WDR3: variants seen among roughly 807,000 people sequenced by gnomAD.
The protein encoded by WDR3 is WD repeat-containing protein 3.
WDR3 carries 81 observed loss-of-function variants against 123.7 expected under a neutral mutation model. That is an observed-to-expected ratio of 0.65 (90% CI 0.55 to 0.79). The LOEUF is 0.79. WDR3 is among the 30% of genes least tolerant of loss of function. WDR3 has a pLI of 0.00. For synonymous variants in WDR3, 390 were observed against 388.8 expected (o/e 1.00, Z -0.04); for missense variants, 1,027 against 1,123.2 (o/e 0.91, Z 1.22).
chr1:117,960,238 A>G lies in WDR3; in HGVS notation c.*791A>G, dbSNP rs1271846740. 6.6e-6 allele frequency: 1 copy of G among 152,024 alleles called. No homozygotes were observed. Among genetic ancestry groups the G allele is most frequent in the Non-Finnish European group, 1.5e-5 (1 of 68,028 alleles). 9.4% of individuals were successfully genotyped at this position (152,024 alleles called of 1,614,324 possible). On this transcript the variant is annotated 3_prime_UTR_variant, in exon 27 of 27. Transcript: ENST00000349139. ...ACTGACCCACCCCTACGCCCCGCAC[A>G]GTCAAAAATCTGCATATAACTTTTG...
At chr1:117,942,898 T>G (rs996644503) in intron 10 of WDR3, among the ~76,000 whole-genome samples, 3 of 146,484 alleles carry the variant, frequency 2.0e-5, no homozygotes, top group Non-Finnish European at 4.4e-5. Context: ...AGTTTTTTTT[T>G]TTTTTTTTTT....
chr1:117,953,942 A>G (rs1163126638), intron 21 of WDR3, 65 bp from the exon 22 acceptor site: 3 of 1,377,774 alleles, frequency 2.2e-6, no homozygotes, highest in East Asian at 4.7e-5. Flanking sequence ...CAGTTCTTCC[A>G]GTTTCAGTGT....
In WDR3 at chr1:117,963,154, T is replaced by C. The variant is rs1471064357; in HGVS notation, c.*3707T>C. ...ACAGTCACTGAGCCCAACTCTTACA[T>C]AGGGCCTGGCAGTGTTGCCCTTGTG... is the stretch of plus-strand genomic sequence containing the variant. On this transcript the variant is annotated 3_prime_UTR_variant, in exon 27 of 27. Transcript: ENST00000349139. The C allele has an allele frequency of 1.3e-5, 2 of 152,158 alleles. No individual in the cohort carries two copies. The highest frequency in any genetic ancestry group is 2.9e-5 in the Non-Finnish European group (2 of 68,040). 9.4% of individuals were successfully genotyped at this position (152,158 alleles called of 1,614,324 possible). A position where few individuals can be genotyped will look rare whatever the true frequency, so the allele number is the denominator to read the frequency against.
In WDR3 at chr1:117,933,400, C is replaced by A; in HGVS notation, c.81C>A (p.Val27=). The A allele has an allele frequency of 6.2e-7, 1 of 1,614,112 alleles. No individual in the cohort carries two copies. Among genetic ancestry groups the A allele is most frequent in the Non-Finnish European group, 8.5e-7 (1 of 1,180,018 alleles). The change falls in exon 2 of 27, where the codon GTC becomes GTA. Residue 27 remains valine (V), a synonymous_variant. Coordinates refer to ENST00000349139, the MANE Select transcript of WDR3 (RefSeq NM_006784.3). ...GVIGSQKGNI[V]FVTLRGEKGR... ...TCGGCAGCCAAAAAGGTAATATTGT[C>A]TTTGTGACACTTCGTGGTGAGAAAG...
rs762325249 is a variant in WDR3, at chr1:117,934,655, A to G, written c.354A>G (p.Leu118=). Residue 118 remains leucine, a synonymous_variant, in exon 3 of 27, where the codon CTA becomes CTG. Transcript: ENST00000349139. ...TCACTACCTTGAAGTATGATCAGCTAGGAGGCAGACTGGCATCTGGGTCCA... is the reference window on the plus strand; with the variant it reads ...TCACTACCTTGAAGTATGATCAGCTGGGAGGCAGACTGGCATCTGGGTCCA... ...AAITTLKYDQ[L]GGRLASGSKD... is the part of the protein sequence containing the mutation. The G allele has an allele frequency of 1.2e-6, 2 of 1,613,610 alleles. No individual in the cohort carries two copies. Among genetic ancestry groups the G allele is most frequent in the African/African-American group, 1.3e-5 (1 of 74,926 alleles).
At position 117,936,902 on chromosome 1, in the gene WDR3, G is replaced by T. The variant is rs771370180; in HGVS notation, c.500+15G>T. 3.8e-6 allele frequency: 6 copies of T among 1,594,536 alleles called. No individual in the cohort carries two copies. In the East Asian group the frequency reaches 1.1e-4, roughly 30 times the overall value. On this transcript the variant is annotated intron_variant, in intron 4 of 26. Coordinates refer to ENST00000349139, the MANE Select transcript of WDR3 (RefSeq NM_006784.3). ...CTAGTTACTAGGTAAAGAAATAATG[G>T]TTTAATTTCCAGTTATTTTCTAGGA... is the stretch of plus-strand genomic sequence containing the variant.
Position 117,959,525 on chromosome 1 carries a change from T to G in WDR3, c.*78T>G. 1 of 1,398,752 alleles carries G rather than the reference T, an allele frequency of 7.1e-7. No homozygotes were observed. 86.6% of individuals were successfully genotyped at this position (1,398,752 alleles called of 1,614,324 possible). On this transcript the variant is annotated 3_prime_UTR_variant, in exon 27 of 27. Transcript: ENST00000349139. The stretch of plus-strand genomic sequence containing the variant: ...TAAACTAAGCACAGAAGAGTTGGCG[T>G]CATCTTAAAAATACCAAATAACAGA...
Position 117,942,423 on chromosome 1 carries a change from C to A in WDR3, c.990-14C>A. ...AAAAATAAGAGCATGATATACTTTT[C>A]TTCTTCCCTCTAGATTACATTCTAG... On this transcript the variant is annotated splice_polypyrimidine_tract_variant and intron_variant, in intron 9 of 26. Coordinates refer to ENST00000349139, the MANE Select transcript of WDR3 (RefSeq NM_006784.3). 2 of 1,608,186 alleles carry A rather than the reference C, an allele frequency of 1.2e-6. No individual in the cohort carries two copies. Among genetic ancestry groups the A allele is most frequent in the South Asian group, 1.1e-5 (1 of 90,646 alleles).
At chr1:117,941,713 C>T in intron 8 of WDR3, 37 bp from the exon 9 acceptor site, 1 of 1,585,698 alleles carries the variant, frequency 6.3e-7, no homozygotes, top group Non-Finnish European at 8.5e-7. Flanking sequence ...TTACAAATTA[C>T]CTCTCCTTGA....
In WDR3 at chr1:117,966,156, A is replaced by T. The variant is rs1653815154; in HGVS notation, c.*6709A>T. 1 of 152,512 alleles carries T rather than the reference A, an allele frequency of 6.6e-6. No homozygotes were observed. Among genetic ancestry groups the T allele is most frequent in the South Asian group, 2.1e-4 (1 of 4,840 alleles). The allele number at this position is 152,512 out of a possible 1,614,324, so 9.4% of individuals were successfully genotyped here. A position where few individuals can be genotyped will look rare whatever the true frequency, so the allele number is the denominator to read the frequency against. On this transcript the variant is annotated 3_prime_UTR_variant, in exon 27 of 27. Coordinates refer to ENST00000349139, the MANE Select transcript of WDR3 (RefSeq NM_006784.3). ...AATTATCCATTTTTATATATGATAAACTATTTTATACAGTACCTTGGAGGT... is the reference window on the plus strand; with the variant it reads ...AATTATCCATTTTTATATATGATAATCTATTTTATACAGTACCTTGGAGGT...
chr1:117,955,354 T>C lies in WDR3; in HGVS notation c.2449T>C (p.Ser817Pro). 6.2e-7 allele frequency: 1 copy of C among 1,612,372 alleles called. No individual in the cohort carries two copies. The highest frequency in any genetic ancestry group is 8.5e-7 in the Non-Finnish European group (1 of 1,178,930). The change falls in exon 24 of 27, where the codon TCG (serine) becomes CCG (proline). Residue 817 changes from serine (S) to proline (P), a missense_variant. Transcript: ENST00000349139. ...ATTAGAGATTTTTAAAGGGATCAAG[T>C]CGAGGTGAGTGAGTCCTTGCGCACA... ...YVLEIFKGIKSSELEESLLVL... is the reference protein window; with the variant it reads ...YVLEIFKGIKPSELEESLLVL...
intron 5 of WDR3, 141 bp downstream of exon 5, chr1:117,938,699 G>A: frequency 1.5e-6 from 1 of 656,798 alleles, no homozygotes; most frequent in Non-Finnish European, 2.4e-6. Flanking sequence ...CAGTGAGGCT[G>A]GTATGATGGA....
intron 10 of WDR3, 100 bp downstream of exon 10, chr1:117,942,644 T>C (rs1651212654): frequency 1.9e-6 from 2 of 1,060,104 alleles, no homozygotes; most frequent in African/African-American, 3.2e-5. Context: ...GAATTATATA[T>C]GTGGAGACGG....
intron 10 of WDR3, 65 bp downstream of exon 10, chr1:117,942,609 C>T (rs1651210875): frequency 7.0e-7 from 1 of 1,430,810 alleles, no homozygotes; most frequent in East Asian, 2.3e-5. Context: ...TTGGCTTTTT[C>T]ATGCTATTTG....
intron 13 of WDR3, among the ~76,000 whole-genome samples, chr1:117,949,497 T>G (rs1651522199): frequency 6.6e-6 from 1 of 152,230 alleles, no homozygotes; most frequent in Non-Finnish European, 1.5e-5. Flanking sequence ...TTCTTGATGC[T>G]AGATAATAGT....
At chr1:117,939,415 CA>C (rs1237762504) in intron 5 of WDR3, 61 bp from the exon 6 acceptor site, 8 of 1,500,990 alleles carry the variant, frequency 5.3e-6, no homozygotes, top group Non-Finnish European at 7.3e-6. Flanking sequence ...TTTGGAATGT[CA>C]TATTATGCTA....
chr1:117,958,825 A>C (rs1652606221), intron 25 of WDR3, 85 bp from the exon 26 acceptor site: 1 of 660,906 alleles, frequency 1.5e-6, no homozygotes, highest in South Asian at 2.9e-5. Flanking sequence ...TGTTGCTTTG[A>C]TATTGTGTCT....
In WDR3 at chr1:117,959,336, G is replaced by A. The variant is rs1571050356; in HGVS notation, c.2721G>A (p.Arg907=). The A allele has an allele frequency of 1.9e-6, 3 of 1,613,942 alleles. No individual in the cohort carries two copies. The highest frequency in any genetic ancestry group is 2.7e-5 in the African/African-American group (2 of 75,036). Reference sequence around the variant, plus strand: ...TGGCTGGTCTTGATTATCTCAAGAGGGAATGCGAGGCAAAAAGTGAAGTTA... The same window carrying A: ...TGGCTGGTCTTGATTATCTCAAGAGAGAATGCGAGGCAAAAAGTGAAGTTA... ...FNMAGLDYLK[R]ECEAKSEVMF... is the part of the protein sequence containing the mutation. Residue 907 remains arginine (R), a synonymous_variant, in exon 27 of 27, where the codon AGG becomes AGA. Transcript: ENST00000349139.
At chr1:117,940,996 T>A in intron 7 of WDR3, 56 bp downstream of exon 7, 1 of 1,579,756 alleles carries the variant, frequency 6.3e-7, no homozygotes, top group Non-Finnish European at 8.6e-7. Flanking sequence ...AAAGTAAGAA[T>A]TGCAGATTTT....
Sources: gnomAD v4.1 joint callset for allele counts (sites outside exome capture counted in the v4.1 genomes callset) on GRCh38, gnomAD v4.1.1 for gene constraint, MANE v1.5 for transcripts, NCBI Gene and HGNC (gene_info 2026-07-23, HGNC 2026-07-21) for gene names.